PCSK1: variants seen among roughly 807,000 people sequenced by gnomAD.
The protein encoded by PCSK1 is proprotein convertase subtilisin/kexin type 1.
Under a neutral mutation model 90.6 loss-of-function variants are expected in PCSK1, and 56 were observed. That is an observed-to-expected ratio of 0.62 (90% CI 0.50 to 0.77). PCSK1 has a LOEUF of 0.77. PCSK1 is among the 30% of genes least tolerant of loss of function. The pLI, the probability that PCSK1 is intolerant of heterozygous loss-of-function variation, is 0.00. For synonymous variants in PCSK1, 348 were observed against 342.4 expected, an observed-to-expected ratio of 1.02 and a Z score of -0.18; for missense variants, 801 against 932.6, an observed-to-expected ratio of 0.86 and a Z score of 1.84.
intron 9 of PCSK1, among the ~76,000 whole-genome samples, chr5:96,403,591 G>A (rs1033477277): frequency 2.6e-5 from 4 of 152,158 alleles, no homozygotes; most frequent in Non-Finnish European, 5.9e-5. Context: ...TTTAAACACT[G>A]CATTGAGTGG....
intron 1 of PCSK1, among the ~76,000 whole-genome samples, 159 bp downstream of exon 1, chr5:96,432,704 T>C (rs1761544174): frequency 6.6e-6 from 1 of 152,080 alleles, no homozygotes; most frequent in African/African-American, 2.4e-5. Context: ...GCTTTCTCTC[T>C]CTCCAAGCGC....
intron 9 of PCSK1, among the ~76,000 whole-genome samples, chr5:96,401,513 A>G (rs1760374544): frequency 6.6e-6 from 1 of 152,232 alleles, no homozygotes; most frequent in Non-Finnish European, 1.5e-5. Flanking sequence ...AAATAGTAAA[A>G]TCATAAGTCT....
At chr5:96,413,525 C>T (rs535238146) in intron 6 of PCSK1, among the ~76,000 whole-genome samples, 8 of 152,244 alleles carry the variant, frequency 5.3e-5, no homozygotes, top group Admixed American at 1.3e-4. Flanking sequence ...TAGAGCCAGG[C>T]GCAGTGGCTC....
chr5:96,425,004 AAAGAAAAG>A (rs1284548418), intron 3 of PCSK1, among the ~76,000 whole-genome samples: 14 of 127,816 alleles, frequency 1.1e-4, no homozygotes, highest in Non-Finnish European at 1.7e-4. Flanking sequence ...AAAGAGAAAG[AAAGAAAAG>A]AAAGAAAGAA....
chr5:96,432,813 CGCCA>C, intron 1 of PCSK1, 46 bp downstream of exon 1: 1 of 1,524,946 alleles, frequency 6.6e-7, no homozygotes, highest in Middle Eastern at 2.3e-4. Context: ...GCTCCAGTCC[CGCCA>C]GTCCCCTGGG....
chr5:96,421,787 C>G, intron 5 of PCSK1, 93 bp downstream of exon 5: 1 of 815,624 alleles, frequency 1.2e-6, no homozygotes, highest in Non-Finnish European at 2.2e-6. Context: ...TTCCTGAGCA[C>G]TGGAATGTGG....
chr5:96,393,078 A>G lies in PCSK1; in HGVS notation c.2185T>C (p.Tyr729His). 6.2e-7 allele frequency: 1 copy of G among 1,614,120 alleles called. No individual in the cohort carries two copies. Among genetic ancestry groups the G allele is most frequent in the Non-Finnish European group, 8.5e-7 (1 of 1,179,944 alleles). Reference sequence around the variant, plus strand: ...CTGTGCTTGTAAGGTTTAGTGTTATAAAAAACATCAACATAGTCATTATAC... The same window carrying G: ...CTGTGCTTGTAAGGTTTAGTGTTATGAAAAACATCAACATAGTCATTATAC... ...SLYNDYVDVF[Y>H]NTKPYKHRDD... Residue 729 changes from tyrosine (Y) to histidine (H), a missense_variant, in exon 14 of 14, where the codon TAT becomes CAT. Tyr to His is a moderately conservative substitution (Grantham distance 83). Transcript: ENST00000311106.
At chr5:96,430,721 TAA>T (rs1405615197) in intron 1 of PCSK1, among the ~76,000 whole-genome samples, 1 of 152,252 alleles carries the variant, frequency 6.6e-6, no homozygotes, top group Non-Finnish European at 1.5e-5. Context: ...ATAATTTTGT[TAA>T]GTTTGTTTTA....
chr5:96,409,913 T>A (rs1282911428), intron 8 of PCSK1, among the ~76,000 whole-genome samples: 1 of 152,146 alleles, frequency 6.6e-6, no homozygotes. Context: ...TGTTGACAAT[T>A]TTGTTGAGAT....
At position 96,425,064 on chromosome 5, in the gene PCSK1, GAA is replaced by G. The variant is rs138449586; in HGVS notation, c.396+754_396+755del. 4.7e-4 allele frequency among the ~76,000 whole-genome samples: 65 copies of G among 137,666 alleles called. No homozygotes were observed. In the Middle Eastern group the frequency reaches 0.011, roughly 24 times the overall value. 90.3% of individuals were successfully genotyped at this position (137,666 alleles called of 152,430 possible). On this transcript the variant is annotated intron_variant, in intron 3 of 13. Coordinates refer to ENST00000311106, the MANE Select transcript of PCSK1 (RefSeq NM_000439.5). ...AGAAAGAAAGAAAGAAAGAAAGAAAGAAAGAAAGAAAACGTAGGGTCAAGAGA... is the reference window on the plus strand; with the variant it reads ...AGAAAGAAAGAAAGAAAGAAAGAAAGAGAAAGAAAACGTAGGGTCAAGAGA...
At chr5:96,415,731 C>T (rs1449124923) in intron 6 of PCSK1, among the ~76,000 whole-genome samples, 1 of 152,130 alleles carries the variant, frequency 6.6e-6, no homozygotes, top group East Asian at 1.9e-4. Flanking sequence ...TTAGCAAGCA[C>T]TCAATAACAA....
intron 1 of PCSK1, 133 bp from the exon 2 acceptor site, chr5:96,429,450 T>C (rs989650734): frequency 4.8e-6 from 3 of 627,250 alleles, no homozygotes; most frequent in African/African-American, 1.8e-5. Flanking sequence ...TTAATATTTT[T>C]TTTCTTTTTT....
chr5:96,426,169 T>G (rs1267026041), intron 2 of PCSK1, among the ~76,000 whole-genome samples: 1 of 152,188 alleles, frequency 6.6e-6, no homozygotes, highest in East Asian at 1.9e-4. Flanking sequence ...AGTGAAATGA[T>G]AATTCCCTAA....
At position 96,392,966 on chromosome 5, in the gene PCSK1, C is replaced by T; in HGVS notation, c.*35G>A. On this transcript the variant is annotated 3_prime_UTR_variant, in exon 14 of 14. Coordinates refer to ENST00000311106, the MANE Select transcript of PCSK1 (RefSeq NM_000439.5). ...GCAAAATCGCAGGGTAAGGAAGAAG[C>T]ATGAATATTTCCAACTTGGGACCAC... 1 of 1,610,460 alleles carries T rather than the reference C, an allele frequency of 6.2e-7. No individual in the cohort carries two copies. Among genetic ancestry groups the T allele is most frequent in the Non-Finnish European group, 8.5e-7 (1 of 1,176,914 alleles).
intron 5 of PCSK1, among the ~76,000 whole-genome samples, chr5:96,421,181 C>T (rs1235229474): frequency 6.6e-6 from 1 of 152,210 alleles, no homozygotes; most frequent in African/African-American, 2.4e-5. Context: ...CTTTCTTTCA[C>T]CTCTCCCTTT....
In PCSK1 at chr5:96,420,013, GA is replaced by G. The variant is rs773845139; in HGVS notation, c.620+1866del. ...GAAGGACCGTATACTGCCTAGGAAG[GA>G]GCCAGTGCCTCCATCTAAGTCTCCT... is the stretch of plus-strand genomic sequence containing the variant. On this transcript the variant is annotated intron_variant, in intron 5 of 13. Coordinates refer to ENST00000311106, the MANE Select transcript of PCSK1 (RefSeq NM_000439.5). 2.1e-3 allele frequency among the ~76,000 whole-genome samples: 319 copies of G among 152,202 alleles called. 1 individual carries two copies. The highest frequency in any genetic ancestry group is 3.3e-3 in the Non-Finnish European group (222 of 68,004).
chr5:96,403,898 T>G (rs994588174), intron 9 of PCSK1, among the ~76,000 whole-genome samples: 24 of 152,358 alleles, frequency 1.6e-4, no homozygotes, highest in African/African-American at 4.6e-4. Flanking sequence ...CTCCAGGTTT[T>G]AATAAGACCA....
chr5:96,430,129 G>A (rs1761446117), intron 1 of PCSK1, among the ~76,000 whole-genome samples: 1 of 152,130 alleles, frequency 6.6e-6, no homozygotes. Context: ...ACTAATTCAA[G>A]GCTTTCAGAA....
rs1286703982 is a variant in PCSK1, at chr5:96,392,290, A to T, written c.*711T>A. 2 of 152,226 alleles carry T rather than the reference A, an allele frequency of 1.3e-5. No individual in the cohort carries two copies. The highest frequency in any genetic ancestry group is 2.9e-5 in the Non-Finnish European group (2 of 68,054). 9.4% of individuals were successfully genotyped at this position (152,226 alleles called of 1,614,324 possible). A position where few individuals can be genotyped will look rare whatever the true frequency, so the allele number is the denominator to read the frequency against. ...AGGAGAAACAGAGGAAAGACCAGGC[A>T]TGCAGCACGAGTCATAACCACCTCT... On this transcript the variant is annotated 3_prime_UTR_variant, in exon 14 of 14. Transcript: ENST00000311106.
Sources: gnomAD v4.1 joint callset for allele counts (sites outside exome capture counted in the v4.1 genomes callset) on GRCh38, gnomAD v4.1.1 for gene constraint, MANE v1.5 for transcripts, NCBI Gene and HGNC (gene_info 2026-07-23, HGNC 2026-07-21) for gene names.